SLC2A9: variants seen among roughly 807,000 people sequenced by gnomAD.
The protein encoded by SLC2A9 is solute carrier family 2, facilitated glucose transporter member 9.
In SLC2A9, 39 loss-of-function variants were observed where a neutral mutation model predicts 50.6. The ratio of observed to expected loss-of-function variants is 0.77; its 90% confidence interval spans 0.60 to 1.01. The LOEUF is 1.01. Ranked by LOEUF, SLC2A9 falls within the 50% of genes least tolerant of loss-of-function variation. The pLI, the probability that SLC2A9 is intolerant of heterozygous loss-of-function variation, is 0.00. For synonymous variants in SLC2A9, 324 were observed against 276.9 expected (o/e 1.17, Z -1.69); for missense variants, 686 against 677.6 (o/e 1.01, Z -0.14).
intron 8 of SLC2A9, among the ~76,000 whole-genome samples, chr4:9,892,999 A>G (rs1394986695): frequency 1.3e-5 from 2 of 152,210 alleles, no homozygotes; most frequent in African/African-American, 4.8e-5. Flanking sequence ...TTTTACAGGT[A>G]AAAGAACAGA....
chr4:9,962,360 A>G (rs1256416197), intron 5 of SLC2A9, among the ~76,000 whole-genome samples: 1 of 152,250 alleles, frequency 6.6e-6, no homozygotes, highest in Non-Finnish European at 1.5e-5. Context: ...AATGTGGTAC[A>G]TATATACTAT....
chr4:9,973,160 T>G (rs1278688405), intron 5 of SLC2A9, among the ~76,000 whole-genome samples: 3 of 152,214 alleles, frequency 2.0e-5, no homozygotes, highest in Non-Finnish European at 4.4e-5. Context: ...GAGACTATTA[T>G]GAACACTTCT....
intron 10 of SLC2A9, among the ~76,000 whole-genome samples, chr4:9,843,303 A>C (rs1728396567): frequency 6.6e-6 from 1 of 152,228 alleles, no homozygotes; most frequent in African/African-American, 2.4e-5. Context: ...TATTGCAATA[A>C]TCAGGTAGCC....
intron 1 of SLC2A9, chr4:10,029,331 C>T (rs920966822): frequency 3.3e-5 from 5 of 152,200 alleles, no homozygotes; most frequent in African/African-American, 1.2e-4. Context: ...CCCCGATGCA[C>T]AGTCTCCAAC....
At chr4:9,886,346 T>A (rs1736205541) in intron 10 of SLC2A9, among the ~76,000 whole-genome samples, 1 of 152,056 alleles carries the variant, frequency 6.6e-6, no homozygotes, top group South Asian at 2.1e-4. Context: ...TGCTGTGTGT[T>A]CATCCTCTAA....
At chr4:10,027,554 G>A (rs978081508) in intron 1 of SLC2A9, among the ~76,000 whole-genome samples, 5 of 151,762 alleles carry the variant, frequency 3.3e-5, no homozygotes, top group South Asian at 2.1e-4. Flanking sequence ...ACAACCTCCC[G>A]GCATCTTCAG....
Position 9,908,234 on chromosome 4 carries a change from C to T in SLC2A9, c.1113+1G>A. On this transcript the variant is annotated splice_donor_variant, in intron 8 of 11. Transcript: ENST00000264784. LOFTEE classifies it high-confidence loss of function. ...TCAGGAGTAACCCTCAGTTGACTTA[C>T]AGAGAAGACGGCAGCCAAAGTCTCG... 1 of 1,609,304 alleles carries T rather than the reference C, an allele frequency of 6.2e-7. No homozygotes were observed. Among genetic ancestry groups the T allele is most frequent in the Non-Finnish European group, 8.5e-7 (1 of 1,175,564 alleles).
chr4:9,967,748 C>A (rs1224452608), intron 5 of SLC2A9, among the ~76,000 whole-genome samples: 1 of 151,680 alleles, frequency 6.6e-6, no homozygotes, highest in Non-Finnish European at 1.5e-5. Context: ...AATAACTTTA[C>A]ATTAAAAAAT....
chr4:10,039,806 C>G (rs1290573119), intron 1 of SLC2A9, among the ~76,000 whole-genome samples: 1 of 152,218 alleles, frequency 6.6e-6, no homozygotes, highest in Non-Finnish European at 1.5e-5. Context: ...CATTGCTTCT[C>G]TGCTCCAAAC....
chr4:9,847,179 A>G (rs1577505740), intron 10 of SLC2A9, among the ~76,000 whole-genome samples: 1 of 152,222 alleles, frequency 6.6e-6, no homozygotes, highest in East Asian at 1.9e-4. Flanking sequence ...GAGACTGGGT[A>G]ATTTATGAAG....
chr4:9,947,083 T>TC (rs1259457591), intron 5 of SLC2A9, among the ~76,000 whole-genome samples: 13 of 152,168 alleles, frequency 8.5e-5, no homozygotes, highest in African/African-American at 3.1e-4. Flanking sequence ...TTCCTACCCC[T>TC]CTTCCCCAGG....
At chr4:9,780,585 C>T (rs532307680) in intron 3 of SLC2A9, among the ~76,000 whole-genome samples, 1 of 152,150 alleles carries the variant, frequency 6.6e-6, no homozygotes, top group Non-Finnish European at 1.5e-5. Flanking sequence ...TGTTTCTAGA[C>T]CTCACCATGC....
At chr4:10,015,577 CCT>C (rs1191098968) in intron 2 of SLC2A9, among the ~76,000 whole-genome samples, 4 of 152,136 alleles carry the variant, frequency 2.6e-5, no homozygotes. Context: ...GGAGATGAGG[CCT>C]TTGGGAGGTT....
chr4:9,813,094 G>C (rs1723093340), intron 3 of SLC2A9, among the ~76,000 whole-genome samples: 1 of 152,164 alleles, frequency 6.6e-6, no homozygotes. Context: ...TGAACTCCCA[G>C]AGCCTCAGCA....
intron 7 of SLC2A9, among the ~76,000 whole-genome samples, chr4:9,915,213 G>A (rs1485412044): frequency 6.6e-6 from 1 of 152,202 alleles, no homozygotes; most frequent in South Asian, 2.1e-4. Context: ...AGATTATGGA[G>A]CACCACCTAT....
intron 8 of SLC2A9, among the ~76,000 whole-genome samples, chr4:9,895,600 C>G (rs536745955): frequency 3.0e-4 from 45 of 152,348 alleles, no homozygotes; most frequent in Non-Finnish European, 5.3e-4. Context: ...ATTCACCCAG[C>G]ACCCAGTGCC....
intron 1 of SLC2A9, among the ~76,000 whole-genome samples, chr4:10,037,184 T>C (rs1764133392): frequency 6.6e-6 from 1 of 152,256 alleles, no homozygotes; most frequent in Non-Finnish European, 1.5e-5. Context: ...CACAGCAGTA[T>C]GCAACCATGA....
chr4:9,893,964 T>C (rs998526562), intron 8 of SLC2A9, among the ~76,000 whole-genome samples: 10 of 152,188 alleles, frequency 6.6e-5, no homozygotes, highest in African/African-American at 2.4e-4. Flanking sequence ...AGAGTGATTA[T>C]GGGATTTACC....
rs574201676 is a variant in SLC2A9, at chr4:9,808,308, A to G, written n.421-9067T>C. On this transcript the variant is annotated intron_variant and non_coding_transcript_variant, in intron 3 of 3. Transcript: ENST00000503280. The stretch of plus-strand genomic sequence containing the variant: ...TTCACCCTGGTACCCTAGGTAATTA[A>G]TCACACACTCTATGCCTGTCATTAC... 2.0e-5 allele frequency among the ~76,000 whole-genome samples: 3 copies of G among 152,282 alleles called. No individual in the cohort carries two copies. In the South Asian group the frequency reaches 6.2e-4, roughly 32 times the overall value.
Sources: gnomAD v4.1 joint callset for allele counts (sites outside exome capture counted in the v4.1 genomes callset) on GRCh38, gnomAD v4.1.1 for gene constraint, MANE v1.5 for transcripts, NCBI Gene and HGNC (gene_info 2026-07-23, HGNC 2026-07-21) for gene names.